Variants in SLC35E1 observed in about 807,000 individuals in gnomAD.
The protein encoded by SLC35E1 is solute carrier family 35 member E1.
A neutral mutation model predicts 31.0 loss-of-function variants in SLC35E1; 12 were observed. That is an observed-to-expected ratio of 0.39 (90% CI 0.25 to 0.63). The LOEUF (loss-of-function observed/expected upper bound fraction) is 0.63. SLC35E1 is among the 20% of genes least tolerant of loss of function. SLC35E1 has a pLI of 0.52. For missense variants in SLC35E1, 429 were observed against 572.2 expected (o/e 0.75, Z 2.55); for synonymous variants, 257 against 264.1 (o/e 0.97, Z 0.26).
intron 4 of SLC35E1, among the ~76,000 whole-genome samples, chr19:16,561,777 C>T (rs537401353): frequency 6.6e-6 from 1 of 152,206 alleles, no homozygotes; most frequent in Non-Finnish European, 1.5e-5. Flanking sequence ...ATGTGGGAGA[C>T]ACAAGACAAA....
intron 4 of SLC35E1, among the ~76,000 whole-genome samples, chr19:16,561,185 G>A: frequency 9.0e-6 from 1 of 111,700 alleles, no homozygotes; most frequent in East Asian, 2.9e-4. Context: ...CTGCGCTCCA[G>A]CCTGGGCAAC....
chr19:16,563,937 T>A (rs571899021), intron 4 of SLC35E1, among the ~76,000 whole-genome samples: 1 of 152,312 alleles, frequency 6.6e-6, no homozygotes, highest in African/African-American at 2.4e-5. Flanking sequence ...GAACCAAGCA[T>A]ACCAGCGACG....
chr19:16,571,213 T>C (rs1000772901), intron 2 of SLC35E1, among the ~76,000 whole-genome samples: 1 of 151,928 alleles, frequency 6.6e-6, no homozygotes, highest in Non-Finnish European at 1.5e-5. Context: ...ACCCATCACC[T>C]ACCAGCAAAC....
chr19:16,561,236 A>G (rs1394643024), intron 4 of SLC35E1, among the ~76,000 whole-genome samples: 4 of 144,234 alleles, frequency 2.8e-5, no homozygotes, highest in African/African-American at 5.3e-5. Context: ...AAAAAAAAAA[A>G]AAAAAAAGAA....
intron 4 of SLC35E1, among the ~76,000 whole-genome samples, chr19:16,561,685 A>T (rs1055254889): frequency 1.3e-5 from 2 of 152,138 alleles, no homozygotes; most frequent in Non-Finnish European, 1.5e-5. Context: ...ACCAGCTGAC[A>T]TTCTCCCATC....
At chr19:16,565,096 T>C in intron 4 of SLC35E1, 1 of 456,460 alleles carries the variant, frequency 2.2e-6, no homozygotes, top group Non-Finnish European at 4.4e-6. Flanking sequence ...CCGCAGGCAC[T>C]TGCATTCATT....
chr19:16,565,110 A>G (rs1296197359), intron 4 of SLC35E1: 1 of 456,542 alleles, frequency 2.2e-6, no homozygotes, highest in African/African-American at 2.0e-5. Flanking sequence ...ATTCATTTAT[A>G]ACACATTCTC....
In SLC35E1 at chr19:16,552,959, G is replaced by A. The variant is rs932310015; in HGVS notation, c.*720C>T. ...AGGGAAGAGGAGGCAAAGGAGAAGAGAGAAGTTTCCCTTCCATCTGGATCT... is the reference window on the plus strand; with the variant it reads ...AGGGAAGAGGAGGCAAAGGAGAAGAAAGAAGTTTCCCTTCCATCTGGATCT... On this transcript the variant is annotated 3_prime_UTR_variant, in exon 6 of 6. Coordinates refer to ENST00000595753, the MANE Select transcript of SLC35E1 (RefSeq NM_024881.5). The A allele has an allele frequency of 6.6e-6, 1 of 152,238 alleles. No individual in the cohort carries two copies. The highest frequency in any genetic ancestry group is 2.4e-5 in the African/African-American group (1 of 41,456). The allele number at this position is 152,238 out of a possible 1,614,324, so 9.4% of individuals were successfully genotyped here.
At chr19:16,561,553 C>T (rs1871794600) in intron 4 of SLC35E1, among the ~76,000 whole-genome samples, 2 of 152,214 alleles carry the variant, frequency 1.3e-5, no homozygotes, top group South Asian at 4.1e-4. Context: ...AACCAGGCCA[C>T]CTGCTCCAGA....
intron 4 of SLC35E1, among the ~76,000 whole-genome samples, chr19:16,557,354 C>A (rs1005833360): frequency 6.6e-6 from 1 of 152,052 alleles, no homozygotes; most frequent in Non-Finnish European, 1.5e-5. Context: ...CCACCGCGCC[C>A]GGCTAATTTT....
chr19:16,571,918 C>A, intron 1 of SLC35E1, 26 bp downstream of exon 1: 15 of 1,528,732 alleles, frequency 9.8e-6, no homozygotes, highest in Non-Finnish European at 1.2e-5. Flanking sequence ...CCGGCCGCCG[C>A]CCCCGAGGCC....
At chr19:16,556,025 G>C (rs888554032) in intron 4 of SLC35E1, among the ~76,000 whole-genome samples, 11 of 152,112 alleles carry the variant, frequency 7.2e-5, no homozygotes, top group Non-Finnish European at 1.2e-4. Context: ...AGACCAGCCT[G>C]ACCAACATGG....
In SLC35E1 at chr19:16,553,797, A is replaced by C. The variant is rs372899866; in HGVS notation, c.1115T>G (p.Leu372Arg). The change falls in exon 6 of 6, where the codon CTC (leucine) becomes CGC (arginine). Residue 372 changes from leucine to arginine, a missense_variant. By Grantham distance (102) the Leu-to-Arg change is moderately radical. Transcript: ENST00000595753. The stretch of plus-strand genomic sequence containing the variant: ...ATAGTCCCCGTGCTGGGGGAAGAGG[A>C]GGCCGTTGTGGGGCTTCTCCAGTGG... ...RSPLEKPHNG[L>R]LFPQHGDYQY... 3.7e-6 allele frequency: 6 copies of C among 1,613,796 alleles called. No homozygotes were observed. Among genetic ancestry groups the C allele is most frequent in the Non-Finnish European group, 5.1e-6 (6 of 1,179,924 alleles).
chr19:16,565,312 G>A (rs2085926215), intron 4 of SLC35E1: 2 of 345,174 alleles, frequency 5.8e-6, no homozygotes, highest in South Asian at 4.4e-5. Flanking sequence ...CTGGGTTCAA[G>A]CGATTCTCCC....
At chr19:16,564,989 A>G in intron 4 of SLC35E1, 6 of 378,634 alleles carry the variant, frequency 1.6e-5, no homozygotes, top group South Asian at 1.1e-4. Context: ...AAGATAAGAA[A>G]TGTCACAAAT....
At chr19:16,558,209 A>G (rs1280414083) in intron 4 of SLC35E1, among the ~76,000 whole-genome samples, 2 of 151,690 alleles carry the variant, frequency 1.3e-5, no homozygotes, top group African/African-American at 4.8e-5. Context: ...ATGCCCAGCT[A>G]ATTTTTGTAT....
In SLC35E1 at chr19:16,555,207, C is replaced by G. The variant is rs768011105; in HGVS notation, c.947G>C (p.Ser316Thr). 4 of 1,614,174 alleles carry G rather than the reference C, an allele frequency of 2.5e-6. No homozygotes were observed. The South Asian group carries it at 4.4e-5, about 18-fold the overall frequency. ...SLIMLRNPVTSTNVLGMMTAI... is the reference protein window; with the variant it reads ...SLIMLRNPVTTTNVLGMMTAI... ...GGTCATCATGCCCAGGACGTTGGTG[C>G]TGGTGACTGGGTTGCGCAGCATGAT... The change falls in exon 5 of 6, where the codon AGC (serine) becomes ACC (threonine). Residue 316 changes from serine to threonine, a missense_variant. Ser to Thr is a moderately conservative substitution (Grantham distance 58, BLOSUM62 1). Transcript: ENST00000595753. This position sits in a 1 kb window ranked among gnomAD's most constrained non-coding sequence, Gnocchi z 4.1.
chr19:16,554,551 T>C (rs2085864807), intron 5 of SLC35E1, among the ~76,000 whole-genome samples: 1 of 152,090 alleles, frequency 6.6e-6, no homozygotes, highest in Admixed American at 6.6e-5. Flanking sequence ...CCAGGTGTGG[T>C]GGCTCATGCC....
rs1370959214 is a variant in SLC35E1, at chr19:16,555,101, T to C, written c.1002+51A>G. The stretch of plus-strand genomic sequence containing the variant: ...GGAGGCCCTTCCTTTTCTGACTTCC[T>C]GGGTGTTGGGGGGCCGGCTTCCTTC... On this transcript the variant is annotated intron_variant, in intron 5 of 5. Transcript: ENST00000595753. The surrounding 1 kb of genome is among the most constrained non-coding windows in gnomAD (Gnocchi z 4.1). The C allele has an allele frequency of 1.2e-6, 2 of 1,608,610 alleles. No individual in the cohort carries two copies. Among genetic ancestry groups the C allele is most frequent in the South Asian group, 2.2e-5 (2 of 90,542 alleles).
Sources: gnomAD v4.1 joint callset for allele counts (sites outside exome capture counted in the v4.1 genomes callset) on GRCh38, gnomAD v4.1.1 for gene constraint, Gnocchi (gnomAD v3.1) non-coding constraint, MANE v1.5 for transcripts, NCBI Gene and HGNC (gene_info 2026-07-23, HGNC 2026-07-21) for gene names.